Variants in PPP1R12B observed in about 807,000 individuals in gnomAD.
The protein encoded by PPP1R12B is protein phosphatase 1 regulatory subunit 12B, also known as myosin phosphatase target subunit 2.
Under a neutral mutation model 126.1 loss-of-function variants are expected in PPP1R12B, and 76 were observed. The observed-to-expected ratio is 0.60, with a 90% confidence interval of 0.50 to 0.73. The LOEUF (loss-of-function observed/expected upper bound fraction) is 0.73. PPP1R12B is among the 30% of genes least tolerant of loss of function. The pLI, the probability that PPP1R12B is intolerant of heterozygous loss-of-function variation, is 0.00. For missense variants in PPP1R12B, 1,052 were observed against 1,205.1 expected, an observed-to-expected ratio of 0.87 and a Z score of 1.88; for synonymous variants, 356 against 434.7, an observed-to-expected ratio of 0.82 and a Z score of 2.25.
intron 23 of PPP1R12B, chr1:202,576,907 A>C (rs1176672549): frequency 6.6e-6 from 1 of 152,126 alleles, no homozygotes; most frequent in Non-Finnish European, 1.5e-5. Context: ...AATTCAAACC[A>C]AATATGTCAG....
chr1:202,418,149 C>A (rs1263954091), intron 2 of PPP1R12B, among the ~76,000 whole-genome samples: 4 of 152,244 alleles, frequency 2.6e-5, no homozygotes, highest in Non-Finnish European at 5.9e-5. Context: ...TGCCTATTTT[C>A]AGAGTCTAAC....
chr1:202,410,134 G>C (rs548878993), intron 1 of PPP1R12B: 74 of 152,194 alleles, frequency 4.9e-4, no homozygotes, highest in African/African-American at 1.6e-3. Flanking sequence ...TCATGAATTT[G>C]CTTGTCATCC....
Position 202,396,771 on chromosome 1 carries a change from C to T in PPP1R12B, c.292-20016C>T, listed in dbSNP as rs566436677. ...GGGACTATAGGTGCGTGCCATCATG[C>T]GTGGCTAATTTTTGTATTTTTTGTA... On this transcript the variant is annotated intron_variant, in intron 1 of 23. Coordinates refer to ENST00000608999, the MANE Select transcript of PPP1R12B (RefSeq NM_002481.4). 7.9e-5 allele frequency among the ~76,000 whole-genome samples: 12 copies of T among 152,264 alleles called. No individual in the cohort carries two copies. The East Asian group carries it at 1.5e-3, about 20-fold the overall frequency.
At chr1:202,541,542 A>G (rs1002720011) in intron 18 of PPP1R12B, among the ~76,000 whole-genome samples, 10 of 152,096 alleles carry the variant, frequency 6.6e-5, no homozygotes, top group African/African-American at 2.4e-4. Context: ...TTTGCTGGCT[A>G]CCAATTGAGG....
At chr1:202,401,210 G>T (rs1351374392) in intron 1 of PPP1R12B, among the ~76,000 whole-genome samples, 2 of 151,164 alleles carry the variant, frequency 1.3e-5, no homozygotes, top group Non-Finnish European at 2.9e-5. Flanking sequence ...TTTTTTTAGA[G>T]ACAGGGTCAG....
Position 202,529,774 on chromosome 1 carries a change from A to G in PPP1R12B, c.2491-29103A>G, listed in dbSNP as rs373739939. ...TATAAGCACAACTTAACTATCACAG[A>G]TATCTTTGAGAACTAAATGGATTTA... On this transcript the variant is annotated intron_variant, in intron 18 of 23. Coordinates refer to ENST00000608999, the MANE Select transcript of PPP1R12B (RefSeq NM_002481.4). Among the ~76,000 whole-genome samples, 3 of 152,314 alleles carry G rather than the reference A, an allele frequency of 2.0e-5. No individual in the cohort carries two copies. The East Asian group carries it at 5.8e-4, about 29-fold the overall frequency.
intron 1 of PPP1R12B, among the ~76,000 whole-genome samples, chr1:202,350,032 A>G (rs1655659374): frequency 6.6e-6 from 1 of 152,152 alleles, no homozygotes; most frequent in Non-Finnish European, 1.5e-5. Flanking sequence ...AGAGCCGGAC[A>G]CCCACTCTTA....
chr1:202,455,555 T>C (rs1558251097), intron 13 of PPP1R12B, among the ~76,000 whole-genome samples: 1 of 152,258 alleles, frequency 6.6e-6, no homozygotes, highest in Non-Finnish European at 1.5e-5. Context: ...TTTATTCCTT[T>C]ACATGGGTGA....
chr1:202,367,032 T>G (rs1659359849), intron 1 of PPP1R12B, among the ~76,000 whole-genome samples: 1 of 152,172 alleles, frequency 6.6e-6, no homozygotes. Context: ...TGTAGAGAAC[T>G]ATATGAATTA....
At chr1:202,474,573 CA>C (rs1676394410) in intron 13 of PPP1R12B, among the ~76,000 whole-genome samples, 1 of 152,156 alleles carries the variant, frequency 6.6e-6, no homozygotes, top group East Asian at 1.9e-4. Flanking sequence ...CCACCGCGCC[CA>C]GCCACAAATT....
rs1241198858 is a variant in PPP1R12B, at chr1:202,581,805, A to C, written c.*1245A>C. 1 of 152,196 alleles carries C rather than the reference A, an allele frequency of 6.6e-6. No individual in the cohort carries two copies. The highest frequency in any genetic ancestry group is 2.4e-5 in the African/African-American group (1 of 41,442). The allele number at this position is 152,196 out of a possible 1,614,324, so 9.4% of individuals were successfully genotyped here. A position where few individuals can be genotyped will look rare whatever the true frequency, so the allele number is the denominator to read the frequency against. ...TCCAGTGGTTAGATTTAGCAGAGAGATTTACTTTCTTAGAAATTAATAGGG... is the reference window on the plus strand; with the variant it reads ...TCCAGTGGTTAGATTTAGCAGAGAGCTTTACTTTCTTAGAAATTAATAGGG... On this transcript the variant is annotated 3_prime_UTR_variant, in exon 24 of 24. Transcript: ENST00000608999.
At chr1:202,377,236 T>C (rs1661313116) in intron 1 of PPP1R12B, among the ~76,000 whole-genome samples, 1 of 152,144 alleles carries the variant, frequency 6.6e-6, no homozygotes. Flanking sequence ...AAGGCATGGT[T>C]CCTGGCAGGT....
At chr1:202,532,977 C>T (rs550680074) in intron 18 of PPP1R12B, among the ~76,000 whole-genome samples, 66 of 140,418 alleles carry the variant, frequency 4.7e-4, no homozygotes, top group African/African-American at 1.7e-3. Flanking sequence ...TCAAATGATT[C>T]TCCTGCCTCA....
chr1:202,424,207 C>T (rs1266477049), intron 3 of PPP1R12B, among the ~76,000 whole-genome samples: 2 of 152,074 alleles, frequency 1.3e-5, no homozygotes, highest in Non-Finnish European at 2.9e-5. Context: ...TTTAACTTTC[C>T]AGCACTGCTA....
At chr1:202,415,263 A>G (rs902420907) in intron 1 of PPP1R12B, among the ~76,000 whole-genome samples, 5 of 152,226 alleles carry the variant, frequency 3.3e-5, no homozygotes, top group Admixed American at 6.5e-5. Flanking sequence ...GGAAGAATAT[A>G]GTGCCTGCTG....
rs1670188313 is a variant in PPP1R12B, at chr1:202,431,606, T to C, written c.1128T>C (p.Thr376=). 1 of 1,608,536 alleles carries C rather than the reference T, an allele frequency of 6.2e-7. No homozygotes were observed. Among genetic ancestry groups the C allele is most frequent in the Non-Finnish European group, 8.5e-7 (1 of 1,178,326 alleles). ...EGEDEASESE[T]EKEADKKPEA... ...AAGATGAAGCTTCTGAGTCAGAAAC[T>C]GAGAAGGAGGCAGGTAATGCAAAGA... The change falls in exon 8 of 24, where the codon ACT becomes ACC. Residue 376 remains threonine, a synonymous_variant. Coordinates refer to ENST00000608999, the MANE Select transcript of PPP1R12B (RefSeq NM_002481.4).
chr1:202,510,708 T>G (rs1681365769), intron 18 of PPP1R12B, among the ~76,000 whole-genome samples: 1 of 152,004 alleles, frequency 6.6e-6, no homozygotes, highest in Non-Finnish European at 1.5e-5. Context: ...ATATATTTAT[T>G]GATGAGCCAT....
chr1:202,411,185 T>C (rs1381801601), intron 1 of PPP1R12B, among the ~76,000 whole-genome samples: 1 of 151,900 alleles, frequency 6.6e-6, no homozygotes, highest in Non-Finnish European at 1.5e-5. Context: ...CGTTATTCAC[T>C]TGAGAAGATT....
chr1:202,573,899 G>C (rs1470000814), intron 23 of PPP1R12B, among the ~76,000 whole-genome samples: 11 of 152,102 alleles, frequency 7.2e-5, no homozygotes, highest in African/African-American at 2.7e-4. Context: ...GTCTGTTTAT[G>C]AACACCTTTA....
Sources: gnomAD v4.1 joint callset for allele counts (sites outside exome capture counted in the v4.1 genomes callset) on GRCh38, gnomAD v4.1.1 for gene constraint, MANE v1.5 for transcripts, NCBI Gene and HGNC (gene_info 2026-07-23, HGNC 2026-07-21) for gene names.